The following PLPP1 variants were observed in gnomAD, a reference collection of about 807,000 sequenced individuals.
PLPP1 encodes the protein phospholipid phosphatase 1, also known as lipid phosphate phosphohydrolase 1a.
In PLPP1, 24 loss-of-function variants were observed where a neutral mutation model predicts 31.2. That is an observed-to-expected ratio of 0.77 (90% CI 0.56 to 1.08). The LOEUF (loss-of-function observed/expected upper bound fraction) is 1.08. Ranked by LOEUF, PLPP1 falls within the 50% of genes least tolerant of loss-of-function variation. PLPP1 has a pLI of 0.00. For synonymous variants in PLPP1, 146 were observed against 126.3 expected, an observed-to-expected ratio of 1.16 and a Z score of -1.05; for missense variants, 319 against 342.7, an observed-to-expected ratio of 0.93 and a Z score of 0.55.
At chr5:55,474,742 T>C (rs1752498997) in intron 2 of PLPP1, among the ~76,000 whole-genome samples, 1 of 152,210 alleles carries the variant, frequency 6.6e-6, no homozygotes, top group Non-Finnish European at 1.5e-5. Flanking sequence ...GGTAGGTACA[T>C]ACATACAGAT....
At chr5:55,499,597 A>C (rs1458251413) in intron 1 of PLPP1, among the ~76,000 whole-genome samples, 1 of 152,128 alleles carries the variant, frequency 6.6e-6, no homozygotes, top group Non-Finnish European at 1.5e-5. Context: ...TTGCTTTATA[A>C]CTAAAAGATT....
intron 1 of PLPP1, among the ~76,000 whole-genome samples, chr5:55,496,576 C>A (rs1753007617): frequency 1.3e-5 from 2 of 152,188 alleles, no homozygotes; most frequent in Admixed American, 1.3e-4. Context: ...ACTCTGCCCA[C>A]CTATTTGTGA....
At chr5:55,503,054 C>G (rs1397060054) in intron 1 of PLPP1, among the ~76,000 whole-genome samples, 1 of 152,184 alleles carries the variant, frequency 6.6e-6, no homozygotes, top group Non-Finnish European at 1.5e-5. Context: ...CCTTTCATCT[C>G]TAACCCAACA....
intron 3 of PLPP1, among the ~76,000 whole-genome samples, chr5:55,459,958 T>C (rs1238597385): frequency 6.6e-6 from 1 of 152,212 alleles, no homozygotes; most frequent in Non-Finnish European, 1.5e-5. Context: ...GTCTTCATTA[T>C]GGTTTTCTCA....
At chr5:55,465,850 C>T (rs1384090631) in intron 3 of PLPP1, among the ~76,000 whole-genome samples, 1 of 152,148 alleles carries the variant, frequency 6.6e-6, no homozygotes, top group Non-Finnish European at 1.5e-5. Flanking sequence ...TTCTATCTTT[C>T]CCTGTGTCTC....
chr5:55,490,892 C>T, intron 1 of PLPP1: 1 of 1,494,834 alleles, frequency 6.7e-7, no homozygotes, highest in Non-Finnish European at 9.2e-7. Flanking sequence ...TACCCCCGCC[C>T]CAACTCCATG....
chr5:55,437,756 G>A lies in PLPP1; in HGVS notation c.549+4095C>T, dbSNP rs115727189. 1.8e-3 allele frequency among the ~76,000 whole-genome samples: 269 copies of A among 152,262 alleles called. 1 individual carries two copies. The highest frequency in any genetic ancestry group is 6.2e-3 in the African/African-American group (259 of 41,522). ...TTTCACCATTTTTAGGATTCACTGA[G>A]GCACTAAATTTAGATCTTAAATCCC... On this transcript the variant is annotated intron_variant, in intron 4 of 5. Transcript: ENST00000307259.
Position 55,468,384 on chromosome 5 carries a change from A to T in PLPP1, c.211-235T>A. 3 of 392,790 alleles carry T rather than the reference A, an allele frequency of 7.6e-6. No homozygotes were observed. The South Asian group carries it at 1.6e-4, about 21-fold the overall frequency. 24.3% of individuals were successfully genotyped at this position (392,790 alleles called of 1,614,324 possible). On this transcript the variant is annotated intron_variant, in intron 2 of 5. Transcript: ENST00000307259. ...ACTTACAAAGCCATGGCTGGGACAA[A>T]ATTATATCATCACTTACCTAAAATA... is the stretch of plus-strand genomic sequence containing the variant.
chr5:55,448,973 T>C (rs1475767893), intron 3 of PLPP1, among the ~76,000 whole-genome samples: 3 of 152,228 alleles, frequency 2.0e-5, no homozygotes, highest in Non-Finnish European at 4.4e-5. Flanking sequence ...GTTGTCCTAC[T>C]GTATTGATTA....
chr5:55,441,047 A>T (rs1751609562), intron 4 of PLPP1, among the ~76,000 whole-genome samples: 1 of 152,214 alleles, frequency 6.6e-6, no homozygotes, highest in Non-Finnish European at 1.5e-5. Flanking sequence ...ACCCAAATAT[A>T]TAGTGTTTTA....
chr5:55,504,160 G>A (rs957502965), intron 1 of PLPP1, among the ~76,000 whole-genome samples: 3 of 151,570 alleles, frequency 2.0e-5, no homozygotes, highest in African/African-American at 7.3e-5. Context: ...CAGGAGGTCA[G>A]GAGTTTAAGA....
chr5:55,525,882 C>T (rs1482230251), intron 1 of PLPP1, among the ~76,000 whole-genome samples: 2 of 151,494 alleles, frequency 1.3e-5, no homozygotes, highest in Admixed American at 1.3e-4. Context: ...AAAGAAGAGA[C>T]AAGACAGTAT....
intron 3 of PLPP1, among the ~76,000 whole-genome samples, chr5:55,459,339 T>C (rs770636838): frequency 5.4e-4 from 82 of 151,876 alleles, no homozygotes; most frequent in Non-Finnish European, 1.0e-3. Context: ...TCAACAATTA[T>C]AGTTAGAGAT....
chr5:55,526,991 A>G (rs1740474092), intron 1 of PLPP1, among the ~76,000 whole-genome samples: 1 of 151,130 alleles, frequency 6.6e-6, no homozygotes, highest in Non-Finnish European at 1.5e-5. Flanking sequence ...CAGGATAGGC[A>G]CCGTGTCCTA....
chr5:55,530,763 G>C, intron 1 of PLPP1: 1 of 1,562,740 alleles, frequency 6.4e-7, no homozygotes, highest in Non-Finnish European at 8.8e-7. Flanking sequence ...TTGCAGTCAG[G>C]AAACATTTTC....
chr5:55,457,969 C>T (rs1415881959), intron 3 of PLPP1, among the ~76,000 whole-genome samples: 1 of 151,988 alleles, frequency 6.6e-6, no homozygotes, highest in Non-Finnish European at 1.5e-5. Context: ...CTTAAATTTG[C>T]TGGCTGAGAG....
At chr5:55,526,884 A>G (rs368209396) in intron 1 of PLPP1, among the ~76,000 whole-genome samples, 4 of 139,082 alleles carry the variant, frequency 2.9e-5, no homozygotes, top group African/African-American at 1.1e-4. Flanking sequence ...GTGAGCCAAG[A>G]TCGGGCCACT....
chr5:55,477,977 C>A (rs1328685810), intron 1 of PLPP1, among the ~76,000 whole-genome samples: 3 of 139,080 alleles, frequency 2.2e-5, no homozygotes, highest in Admixed American at 7.3e-5. Context: ...GACACTCTGT[C>A]TTAAAAAAAA....
At chr5:55,433,972 A>T (rs1751431280) in intron 4 of PLPP1, among the ~76,000 whole-genome samples, 1 of 151,942 alleles carries the variant, frequency 6.6e-6, no homozygotes, top group African/African-American at 2.4e-5. Flanking sequence ...CCCTGTCTTT[A>T]CTAAAAATAC....
Sources: gnomAD v4.1 joint callset for allele counts (sites outside exome capture counted in the v4.1 genomes callset) on GRCh38, gnomAD v4.1.1 for gene constraint, MANE v1.5 for transcripts, NCBI Gene and HGNC (gene_info 2026-07-23, HGNC 2026-07-21) for gene names.